Variants in CTNNBL1 observed in about 807,000 individuals in gnomAD.
The protein encoded by CTNNBL1 is beta-catenin-like protein 1.
A neutral mutation model predicts 72.7 loss-of-function variants in CTNNBL1; 31 were observed. The ratio of observed to expected loss-of-function variants is 0.43; its 90% CI spans 0.32 to 0.58. The LOEUF (loss-of-function observed/expected upper bound fraction) is 0.58. Ranked by LOEUF, CTNNBL1 falls within the 20% of genes least tolerant of loss-of-function variation. CTNNBL1 has a pLI of 0.08. For missense variants in CTNNBL1, 534 were observed against 725.1 expected (o/e 0.74, Z 3.03); for synonymous variants, 240 against 267.3 (o/e 0.90, Z 1.00).
At chr20:37,758,151 G>A (rs2073381257) in intron 5 of CTNNBL1, among the ~76,000 whole-genome samples, 1 of 152,330 alleles carries the variant, frequency 6.6e-6, no homozygotes, top group East Asian at 1.9e-4. Context: ...AGTGAGAACA[G>A]GTATTATTAT....
intron 10 of CTNNBL1, among the ~76,000 whole-genome samples, chr20:37,799,986 T>C (rs1229194211): frequency 6.6e-6 from 1 of 152,138 alleles, no homozygotes; most frequent in Non-Finnish European, 1.5e-5. Flanking sequence ...TACTCACCTT[T>C]CCTCCACTAT....
At chr20:37,713,065 A>C (rs2072952724) in intron 1 of CTNNBL1, among the ~76,000 whole-genome samples, 1 of 152,206 alleles carries the variant, frequency 6.6e-6, no homozygotes, top group Non-Finnish European at 1.5e-5. Context: ...GGGGATCCTT[A>C]CACCTCACTC....
Position 37,782,079 on chromosome 20 carries a change from T to C in CTNNBL1, c.1031+2744T>C, listed in dbSNP as rs545512943. Reference sequence around the variant, plus strand: ...TGGCAGAATTAAACTATATAAAGTATCTAGGAGAATTCTACAGTTGCAAAA... The same window carrying C: ...TGGCAGAATTAAACTATATAAAGTACCTAGGAGAATTCTACAGTTGCAAAA... On this transcript the variant is annotated intron_variant, in intron 10 of 15. Transcript: ENST00000361383. 7.9e-5 allele frequency among the ~76,000 whole-genome samples: 12 copies of C among 152,266 alleles called. No individual in the cohort carries two copies. In the East Asian group the frequency reaches 2.3e-3, roughly 29 times the overall value.
At chr20:37,752,443 C>T (rs990840408) in intron 4 of CTNNBL1, among the ~76,000 whole-genome samples, 3 of 152,128 alleles carry the variant, frequency 2.0e-5, no homozygotes, top group African/African-American at 7.2e-5. Flanking sequence ...TTTTAACTCA[C>T]ATTTATTGCA....
intron 1 of CTNNBL1, among the ~76,000 whole-genome samples, chr20:37,723,856 A>G (rs1211831419): frequency 6.6e-6 from 1 of 152,194 alleles, no homozygotes. Context: ...TGGTGCCTTA[A>G]GCAAATTTGC....
chr20:37,704,704 C>T (rs899874006), intron 1 of CTNNBL1, among the ~76,000 whole-genome samples: 3 of 151,420 alleles, frequency 2.0e-5, no homozygotes, highest in African/African-American at 7.3e-5. Flanking sequence ...GAGCTAGATC[C>T]TGTCTCAAAA....
intron 7 of CTNNBL1, among the ~76,000 whole-genome samples, chr20:37,773,618 T>C (rs2073545350): frequency 6.6e-6 from 1 of 152,236 alleles, no homozygotes; most frequent in Non-Finnish European, 1.5e-5. Context: ...TTTGGCAGTT[T>C]GGTATTGTGC....
chr20:37,701,976 C>A (rs755406010), intron 1 of CTNNBL1, among the ~76,000 whole-genome samples: 2 of 152,196 alleles, frequency 1.3e-5, no homozygotes, highest in African/African-American at 4.8e-5. Context: ...ATCGTACGCA[C>A]GTGGAATGAA....
intron 4 of CTNNBL1, among the ~76,000 whole-genome samples, chr20:37,756,748 C>G (rs2073368816): frequency 6.6e-6 from 1 of 151,348 alleles, no homozygotes; most frequent in Non-Finnish European, 1.5e-5. Context: ...AGCAAGCCTC[C>G]CACCTTAGCC....
chr20:37,701,621 G>A (rs1383517760), intron 1 of CTNNBL1, among the ~76,000 whole-genome samples: 1 of 152,216 alleles, frequency 6.6e-6, no homozygotes, highest in African/African-American at 2.4e-5. Context: ...TAGCCTTGAT[G>A]AATGGGTAGG....
intron 7 of CTNNBL1, 126 bp downstream of exon 7, chr20:37,768,170 C>T (rs1399179101): frequency 1.5e-6 from 1 of 686,348 alleles, no homozygotes; most frequent in African/African-American, 1.8e-5. Context: ...TCTGGTACCT[C>T]TTGCTTCTTT....
At chr20:37,793,625 C>G (rs1004645849) in intron 10 of CTNNBL1, among the ~76,000 whole-genome samples, 6 of 152,188 alleles carry the variant, frequency 3.9e-5, no homozygotes, top group African/African-American at 1.4e-4. Flanking sequence ...ACCAGAAGTG[C>G]ATGCACACAC....
intron 7 of CTNNBL1, among the ~76,000 whole-genome samples, chr20:37,769,541 A>T (rs755875272): frequency 1.3e-5 from 2 of 152,146 alleles, no homozygotes; most frequent in Non-Finnish European, 2.9e-5. Context: ...CCATATTTCT[A>T]TTGAATTGTT....
Position 37,694,101 on chromosome 20 carries a change from A to G in CTNNBL1, c.-22A>G, listed in dbSNP as rs758242514. On this transcript the variant is annotated 5_prime_UTR_variant, in exon 1 of 16. Coordinates refer to ENST00000361383, the MANE Select transcript of CTNNBL1 (RefSeq NM_030877.5). ...TCTGGGCGTGAGTGCAGGGAAGTGGAGTATTTGCTGGGCCGGGTACCATGG... is the reference window on the plus strand; with the variant it reads ...TCTGGGCGTGAGTGCAGGGAAGTGGGGTATTTGCTGGGCCGGGTACCATGG... 1.9e-6 allele frequency: 3 copies of G among 1,603,554 alleles called. No homozygotes were observed. The highest frequency in any genetic ancestry group is 2.6e-6 in the Non-Finnish European group (3 of 1,175,812).
intron 15 of CTNNBL1, among the ~76,000 whole-genome samples, chr20:37,869,912 A>G (rs2122884807): frequency 6.7e-6 from 1 of 149,854 alleles, no homozygotes; most frequent in Middle Eastern, 3.4e-3. Context: ...GGGTTGGACC[A>G]CCCCATCCTC....
chr20:37,868,171 T>C (rs2031388659), intron 15 of CTNNBL1, among the ~76,000 whole-genome samples: 1 of 152,156 alleles, frequency 6.6e-6, no homozygotes, highest in Non-Finnish European at 1.5e-5. Flanking sequence ...ATTCCTGTTT[T>C]GGAATGCTCA....
At chr20:37,818,637 C>T (rs916119575) in intron 11 of CTNNBL1, among the ~76,000 whole-genome samples, 3 of 152,074 alleles carry the variant, frequency 2.0e-5, no homozygotes, top group Admixed American at 1.3e-4. Context: ...ATCATAATCC[C>T]GAAAGATACA....
chr20:37,743,664 G>A (rs1368672338), intron 3 of CTNNBL1, among the ~76,000 whole-genome samples: 3 of 152,100 alleles, frequency 2.0e-5, no homozygotes, highest in Non-Finnish European at 1.5e-5. Context: ...GAAAAACCCA[G>A]AAACAGAATA....
chr20:37,761,462 G>A (rs116743208), intron 5 of CTNNBL1, among the ~76,000 whole-genome samples: 1 of 152,218 alleles, frequency 6.6e-6, no homozygotes, highest in East Asian at 1.9e-4. Context: ...TTGCTGTAAG[G>A]GTACTTACTA....
Sources: gnomAD v4.1 joint callset for allele counts (sites outside exome capture counted in the v4.1 genomes callset) on GRCh38, gnomAD v4.1.1 for gene constraint, MANE v1.5 for transcripts, NCBI Gene and HGNC (gene_info 2026-07-23, HGNC 2026-07-21) for gene names.